CCPG1: variants seen among roughly 807,000 people sequenced by gnomAD.
CCPG1 encodes cell cycle progression protein 1.
CCPG1 carries 46 observed loss-of-function variants against 81.3 expected under a neutral mutation model. The ratio of observed to expected loss-of-function variants is 0.57; its 90% CI spans 0.45 to 0.72. The LOEUF (loss-of-function observed/expected upper bound fraction) is 0.72, where lower values mean the gene tolerates loss of function less well. Among genes scored for constraint, CCPG1 ranks in the 30% least tolerant of loss-of-function variants. CCPG1 has a pLI of 0.00. For synonymous variants in CCPG1, 330 were observed against 305.2 expected (o/e 1.08, Z -0.85); for missense variants, 902 against 937.6 (o/e 0.96, Z 0.50).
intron 6 of CCPG1, among the ~76,000 whole-genome samples, chr15:55,370,985 C>T (rs1046663422): frequency 2.6e-5 from 4 of 151,626 alleles, no homozygotes; most frequent in Non-Finnish European, 4.4e-5. Context: ...TGGTGGCGGG[C>T]GCCTGTTATC....
intron 1 of CCPG1, among the ~76,000 whole-genome samples, chr15:55,396,788 C>T (rs1218961984): frequency 2.0e-5 from 3 of 152,170 alleles, no homozygotes; most frequent in Non-Finnish European, 4.4e-5. Context: ...CCATTATATA[C>T]AGTTAACTGG....
chr15:55,357,585 C>T (rs543542530), intron 8 of CCPG1: 1 of 243,230 alleles, frequency 4.1e-6, no homozygotes, highest in East Asian at 1.8e-4. Flanking sequence ...TACAGTGGCT[C>T]ACGACTGTAA....
At chr15:55,396,701 C>T (rs961375343) in intron 1 of CCPG1, among the ~76,000 whole-genome samples, 1 of 152,128 alleles carries the variant, frequency 6.6e-6, no homozygotes, top group Non-Finnish European at 1.5e-5. Flanking sequence ...GATAGAGAAG[C>T]TTAACTCTAA....
chr15:55,382,548 T>C (rs1008036707), intron 3 of CCPG1, among the ~76,000 whole-genome samples: 4 of 151,308 alleles, frequency 2.6e-5, no homozygotes, highest in Non-Finnish European at 5.9e-5. Flanking sequence ...CTCGCTCTGT[T>C]GCCCAGGCTA....
At chr15:55,402,312 C>T (rs1237450343) in intron 1 of CCPG1, among the ~76,000 whole-genome samples, 1 of 152,196 alleles carries the variant, frequency 6.6e-6, no homozygotes, top group Non-Finnish European at 1.5e-5. Flanking sequence ...ACTGTAACCT[C>T]AAACTCCTTG....
chr15:55,381,643 C>A (rs1275102205), intron 3 of CCPG1, among the ~76,000 whole-genome samples: 2 of 152,172 alleles, frequency 1.3e-5, no homozygotes, highest in African/African-American at 4.8e-5. Flanking sequence ...GGCCTTGACA[C>A]ATCCACTTTT....
At chr15:55,403,618 T>C (rs865793460) in intron 1 of CCPG1, among the ~76,000 whole-genome samples, 26 of 152,278 alleles carry the variant, frequency 1.7e-4, no homozygotes, top group Middle Eastern at 6.8e-3. Flanking sequence ...AGAACTCAAA[T>C]TGAGAGAAAA....
rs2056178681 is a variant in CCPG1 at position 55,360,879 on chromosome 15, A to C, written c.894T>G (p.Thr298=). 1.2e-6 allele frequency: 2 copies of C among 1,603,730 alleles called. No individual in the cohort carries two copies. Among genetic ancestry groups the C allele is most frequent in the Admixed American group, 1.7e-5 (1 of 57,902 alleles). The change falls in exon 8 of 9, where the codon ACT becomes ACG. Residue 298 remains threonine (T), a synonymous_variant. Transcript: ENST00000442196. ...LTEAEKMSFE[T]QKTNLATENQ... Reference sequence around the variant, plus strand: ...TTTCTGTAGCAAGGTTCGTTTTCTGAGTTTCAAAGGACATCTTCTCTGCTT... The same window carrying C: ...TTTCTGTAGCAAGGTTCGTTTTCTGCGTTTCAAAGGACATCTTCTCTGCTT...
At chr15:55,390,538 A>T (rs1050213193) in intron 1 of CCPG1, among the ~76,000 whole-genome samples, 1 of 152,248 alleles carries the variant, frequency 6.6e-6, no homozygotes, top group African/African-American at 2.4e-5. Context: ...AACTCTACTG[A>T]AGACAATATG....
Position 55,359,869 on chromosome 15 carries a change from C to T in CCPG1, c.1904G>A (p.Cys635Tyr). Reference sequence around the variant, plus strand: ...AAGGCTCATGGACTCTTGTTGAGCACAATCAAATACACCAGAACAAGCCTT... The same window carrying T: ...AAGGCTCATGGACTCTTGTTGAGCATAATCAAATACACCAGAACAAGCCTT... ...FRKACSGVFD[C>Y]AQQESMSLFN... is the part of the protein sequence containing the mutation. Residue 635 changes from cysteine to tyrosine, a missense_variant, in exon 8 of 9, where the codon TGT becomes TAT. Cys to Tyr is a radical substitution (Grantham distance 194, BLOSUM62 -2). Around this residue, in one of 3 missense-constraint regions of CCPG1, gnomAD observed 746 missense variants for 728.6 expected, o/e 1.02. Transcript: ENST00000442196. 1 of 1,613,766 alleles carries T rather than the reference C, an allele frequency of 6.2e-7. No homozygotes were observed. The highest frequency in any genetic ancestry group is 8.5e-7 in the Non-Finnish European group (1 of 1,179,960).
rs757039695 is a variant in CCPG1, at chr15:55,407,040, C to CA, written c.-10+1180_-10+1181insT. 6.4e-3 allele frequency among the ~76,000 whole-genome samples: 849 copies of CA among 132,198 alleles called. 18 individuals carry two copies. Among genetic ancestry groups the CA allele is most frequent in the Non-Finnish European group, 9.6e-3 (609 of 63,318 alleles). 86.7% of individuals were successfully genotyped at this position (132,198 alleles called of 152,430 possible). A position where few individuals can be genotyped will look rare whatever the true frequency, so the allele number is the denominator to read the frequency against. On this transcript the variant is annotated intron_variant, in intron 1 of 8. Coordinates refer to ENST00000442196, the MANE Select transcript of CCPG1 (RefSeq NM_001204450.2). ...CCAGCCTGGCCGACACGTTGAGACCCCCCCCCCCGCCCCGCCGTCTCTACT... is the reference window on the plus strand; with the variant it reads ...CCAGCCTGGCCGACACGTTGAGACCCACCCCCCCCGCCCCGCCGTCTCTACT...
chr15:55,380,338 C>A (rs578068314), intron 3 of CCPG1, among the ~76,000 whole-genome samples: 3 of 151,104 alleles, frequency 2.0e-5, no homozygotes, highest in Non-Finnish European at 2.9e-5. Flanking sequence ...CTCTGTCGCC[C>A]AGGCTGGAGT....
At chr15:55,377,855 GAAAT>G (rs1226470963) in intron 4 of CCPG1, among the ~76,000 whole-genome samples, 1 of 152,130 alleles carries the variant, frequency 6.6e-6, no homozygotes, top group Non-Finnish European at 1.5e-5. Flanking sequence ...ATAATTGTGA[GAAAT>G]AAATTTCTGT....
At chr15:55,384,879 A>G (rs1249441507) in intron 3 of CCPG1, among the ~76,000 whole-genome samples, 2 of 152,230 alleles carry the variant, frequency 1.3e-5, no homozygotes, top group Non-Finnish European at 2.9e-5. Flanking sequence ...CATCAACATG[A>G]TAATAACTGG....
At chr15:55,374,240 C>T (rs2056512454) in intron 5 of CCPG1, 14 of 1,287,552 alleles carry the variant, frequency 1.1e-5, no homozygotes, top group Non-Finnish European at 1.4e-5. Flanking sequence ...ACAGCTTCTC[C>T]CACCACCTTT....
intron 2 of CCPG1, among the ~76,000 whole-genome samples, chr15:55,385,999 G>A (rs1027454338): frequency 1.3e-5 from 2 of 151,904 alleles, no homozygotes; most frequent in African/African-American, 4.8e-5. Context: ...AGAGAATAAG[G>A]GTCTAAATTT....
rs544310243 is a variant in CCPG1 at position 55,377,414 on chromosome 15, C to T, written c.253-264G>A. On this transcript the variant is annotated intron_variant, in intron 4 of 8. Transcript: ENST00000442196. ...GAAGCTGAGAAGCCCATCTTTGCCC[C>T]CTCAATAACCACAGAAAAAAGAGCT... is the stretch of plus-strand genomic sequence containing the variant. 2.1e-3 allele frequency among the ~76,000 whole-genome samples: 326 copies of T among 152,278 alleles called. 3 individuals are homozygous for T. Among genetic ancestry groups the T allele is most frequent in the Middle Eastern group, 0.02 (6 of 294 alleles).
intron 3 of CCPG1, among the ~76,000 whole-genome samples, chr15:55,379,179 T>TGTGTGTGTGTGA (rs1555408561): frequency 1.4e-5 from 2 of 145,168 alleles, no homozygotes; most frequent in African/African-American, 5.3e-5. Flanking sequence ...TGTGTGTGTG[T>TGTGTGTGTGTGA]GTGTGTGTGT....
At chr15:55,398,201 T>A (rs879738186) in intron 1 of CCPG1, 1 of 152,262 alleles carries the variant, frequency 6.6e-6, no homozygotes, top group African/African-American at 2.4e-5. Flanking sequence ...TCATAAAATA[T>A]AACTGGAATG....
Sources: gnomAD v4.1 joint callset for allele counts (sites outside exome capture counted in the v4.1 genomes callset) on GRCh38, gnomAD v4.1.1 for gene constraint, gnomAD v4.1.1 regional missense constraint, MANE v1.5 for transcripts, NCBI Gene and HGNC (gene_info 2026-07-23, HGNC 2026-07-21) for gene names.